Variants in KSR2 observed in about 807,000 individuals in gnomAD.
KSR2 encodes kinase suppressor of ras 2.
A neutral mutation model predicts 107.8 loss-of-function variants in KSR2; 25 were observed. The ratio of observed to expected loss-of-function variants is 0.23; its 90% CI spans 0.17 to 0.32. The LOEUF (loss-of-function observed/expected upper bound fraction) is 0.32, where lower values mean the gene tolerates loss of function less well. Among genes scored for constraint, KSR2 ranks in the 10% least tolerant of loss-of-function variants. The pLI is 1.00. For missense variants in KSR2, 887 were observed against 1,268.9 expected, an observed-to-expected ratio of 0.70 and a Z score of 4.57; for synonymous variants, 480 against 507.0, an observed-to-expected ratio of 0.95 and a Z score of 0.71.
intron 5 of KSR2, among the ~76,000 whole-genome samples, chr12:117,649,126 C>A (rs1883780555): frequency 6.6e-6 from 1 of 152,052 alleles, no homozygotes. Flanking sequence ...ATGAAGAAAC[C>A]AAGGCTCTGA....
intron 4 of KSR2, among the ~76,000 whole-genome samples, chr12:117,731,120 G>T (rs1344789353): frequency 6.8e-6 from 1 of 147,350 alleles, no homozygotes; most frequent in African/African-American, 2.5e-5. Context: ...CTGCCCAGCC[G>T]CCCCGTCTGG....
intron 12 of KSR2, among the ~76,000 whole-genome samples, chr12:117,529,621 A>T (rs1435994288): frequency 6.6e-6 from 1 of 152,218 alleles, no homozygotes; most frequent in Non-Finnish European, 1.5e-5. Flanking sequence ...TATTTACAAC[A>T]ATGAAATATG....
intron 17 of KSR2, among the ~76,000 whole-genome samples, chr12:117,475,338 C>A (rs967693158): frequency 1.3e-5 from 2 of 152,186 alleles, no homozygotes; most frequent in African/African-American, 2.4e-5. Flanking sequence ...CCACCCCCAG[C>A]CTAATTTTTT....
Position 117,842,552 on chromosome 12 carries a change from C to G in KSR2, c.472+12876G>C, listed in dbSNP as rs114336877. Reference sequence around the variant, plus strand: ...CTCAGTTCATGTAGTTTCATGGAACCCACAAACCTCAAAGAGTTCAGGCCC... The same window carrying G: ...CTCAGTTCATGTAGTTTCATGGAACGCACAAACCTCAAAGAGTTCAGGCCC... On this transcript the variant is annotated intron_variant, in intron 3 of 19. Coordinates refer to ENST00000339824, the MANE Select transcript of KSR2 (RefSeq NM_173598.6). The surrounding 1 kb of genome is among the most constrained non-coding windows in gnomAD (Gnocchi z 4.2). Among the ~76,000 whole-genome samples, 1 of 152,094 alleles carries G rather than the reference C, an allele frequency of 6.6e-6. No individual in the cohort carries two copies. The highest frequency in any genetic ancestry group is 2.4e-5 in the African/African-American group (1 of 41,410).
At chr12:117,528,191 G>A (rs1442961318) in intron 12 of KSR2, among the ~76,000 whole-genome samples, 1 of 152,094 alleles carries the variant, frequency 6.6e-6, no homozygotes, top group Non-Finnish European at 1.5e-5. Context: ...TATGCCGATA[G>A]TATAATTGGG....
At chr12:117,743,825 T>C (rs1888307690) in intron 4 of KSR2, among the ~76,000 whole-genome samples, 3 of 152,168 alleles carry the variant, frequency 2.0e-5, no homozygotes, top group African/African-American at 7.2e-5. Flanking sequence ...TCTTAAACAA[T>C]GCAAGGTGAA....
intron 7 of KSR2, among the ~76,000 whole-genome samples, chr12:117,577,955 C>G (rs1029650172): frequency 6.6e-6 from 1 of 152,150 alleles, no homozygotes; most frequent in Non-Finnish European, 1.5e-5. Flanking sequence ...AGTAGCAGAG[C>G]CAGGATTTAA....
intron 8 of KSR2, among the ~76,000 whole-genome samples, chr12:117,556,322 C>T (rs578020988): frequency 5.3e-5 from 8 of 152,234 alleles, no homozygotes; most frequent in East Asian, 1.9e-4. Context: ...AAACCCTCTA[C>T]GGAGGAGAAT....
chr12:117,585,715 G>A (rs1293931097), intron 5 of KSR2, among the ~76,000 whole-genome samples: 6 of 152,166 alleles, frequency 3.9e-5, no homozygotes, highest in South Asian at 4.1e-4. Context: ...CAATTAAACC[G>A]ATACAGAAAC....
chr12:117,785,153 G>A (rs1464275597), intron 3 of KSR2, among the ~76,000 whole-genome samples: 3 of 152,140 alleles, frequency 2.0e-5, no homozygotes, highest in African/African-American at 4.8e-5. Context: ...GATGGCTCAC[G>A]CCTGTAATCC....
intron 3 of KSR2, among the ~76,000 whole-genome samples, chr12:117,803,764 A>G (rs1485260245): frequency 1.3e-5 from 2 of 152,202 alleles, no homozygotes; most frequent in Non-Finnish European, 2.9e-5. Flanking sequence ...ACTAGCTACG[A>G]TTCTGTCTTT....
At position 117,558,386 on chromosome 12, in the gene KSR2, G is replaced by C; in HGVS notation, c.1393+120C>G. ...AGGGCGTCAGAGAGAAAGAAACAAT[G>C]CTGGAAGTATGTGGGGATCAAGAGG... On this transcript the variant is annotated intron_variant, in intron 8 of 19. Transcript: ENST00000339824. 4.3e-6 allele frequency: 3 copies of C among 700,912 alleles called. No individual in the cohort carries two copies. In the South Asian group the frequency reaches 5.0e-5, roughly 12 times the overall value. 43.4% of individuals were successfully genotyped at this position (700,912 alleles called of 1,614,324 possible).
intron 1 of KSR2, among the ~76,000 whole-genome samples, chr12:117,913,246 C>A (rs1031968580): frequency 2.0e-5 from 3 of 152,128 alleles, no homozygotes; most frequent in Non-Finnish European, 2.9e-5. Flanking sequence ...CTGTTGTGAG[C>A]CGTTCATGTG....
intron 4 of KSR2, among the ~76,000 whole-genome samples, chr12:117,728,238 G>C (rs1203309867): frequency 6.6e-6 from 1 of 152,170 alleles, no homozygotes; most frequent in Non-Finnish European, 1.5e-5. Context: ...AAGCTAAAGA[G>C]AAGAGAAAGG....
intron 5 of KSR2, among the ~76,000 whole-genome samples, chr12:117,601,297 G>GC (rs374880915): frequency 3.6e-4 from 11 of 30,704 alleles, no homozygotes; most frequent in African/African-American, 1.0e-3. Flanking sequence ...CAAGATCTTG[G>GC]GGGGGGGGGT....
intron 4 of KSR2, among the ~76,000 whole-genome samples, chr12:117,699,805 C>A (rs1886226374): frequency 6.6e-6 from 1 of 152,124 alleles, no homozygotes; most frequent in Non-Finnish European, 1.5e-5. Context: ...AACAAAGCAA[C>A]TACACTGCAA....
At chr12:117,720,169 G>A (rs1414635631) in intron 4 of KSR2, among the ~76,000 whole-genome samples, 2 of 152,226 alleles carry the variant, frequency 1.3e-5, no homozygotes, top group Non-Finnish European at 2.9e-5. Flanking sequence ...TGCTGAACCA[G>A]GCATGCCCTG....
At chr12:117,953,142 C>T (rs1896413462) in intron 1 of KSR2, among the ~76,000 whole-genome samples, 1 of 152,122 alleles carries the variant, frequency 6.6e-6, no homozygotes, top group Non-Finnish European at 1.5e-5. Flanking sequence ...CAATGAGATA[C>T]TACTTCACAC....
intron 14 of KSR2, among the ~76,000 whole-genome samples, chr12:117,523,220 T>A (rs1354337013): frequency 2.0e-5 from 3 of 152,216 alleles, no homozygotes; most frequent in Non-Finnish European, 4.4e-5. Flanking sequence ...GAAGGTTTTG[T>A]CTCACAAGGG....
Sources: allele counts gnomAD v4.1 joint callset (sites outside exome capture counted in the v4.1 genomes callset), GRCh38; gene constraint gnomAD v4.1.1; non-coding constraint Gnocchi (gnomAD v3.1); transcripts MANE v1.5; gene names NCBI Gene and HGNC (gene_info 2026-07-23, HGNC 2026-07-21).